GALM: variants seen among roughly 807,000 people sequenced by gnomAD.
GALM encodes aldose 1-epimerase.
In GALM, 43 loss-of-function variants were observed where a neutral mutation model predicts 37.4. That is an observed-to-expected ratio of 1.15 (90% CI 0.90 to 1.48). GALM has a LOEUF of 1.48. Among genes scored for constraint, GALM ranks in the 40% most tolerant of loss-of-function variants. The pLI is 0.00. For synonymous variants in GALM, 199 were observed against 170.6 expected (o/e 1.17, Z -1.30); for missense variants, 456 against 419.1 (o/e 1.09, Z -0.77).
intron 1 of GALM, among the ~76,000 whole-genome samples, chr2:38,666,590 G>A (rs1417384937): frequency 6.6e-6 from 1 of 152,220 alleles, no homozygotes; most frequent in East Asian, 1.9e-4. Context: ...CTTTGCCCCA[G>A]TTAACGTAAA....
At chr2:38,706,993 T>C (rs1666046748) in intron 4 of GALM, among the ~76,000 whole-genome samples, 1 of 151,546 alleles carries the variant, frequency 6.6e-6, no homozygotes, top group Admixed American at 6.6e-5. Flanking sequence ...GAGGCCTGAA[T>C]TGAATGCATA....
intron 2 of GALM, 152 bp from the exon 3 acceptor site, chr2:38,681,128 T>C: frequency 1.5e-6 from 1 of 657,138 alleles, no homozygotes. Flanking sequence ...AGACCCTGTC[T>C]CAAAAAAAAA....
At chr2:38,684,869 G>A (rs907641736) in intron 3 of GALM, among the ~76,000 whole-genome samples, 1 of 152,082 alleles carries the variant, frequency 6.6e-6, no homozygotes, top group Non-Finnish European at 1.5e-5. Flanking sequence ...AGTTATGAAA[G>A]CAGGTCTGGG....
chr2:38,724,707 G>A (rs1666451224), intron 4 of GALM, among the ~76,000 whole-genome samples: 1 of 152,144 alleles, frequency 6.6e-6, no homozygotes. Context: ...TCTTTGTCAT[G>A]CTTAAAGTCT....
chr2:38,729,812 C>G, intron 5 of GALM, 115 bp downstream of exon 5: 1 of 790,482 alleles, frequency 1.3e-6, no homozygotes, highest in South Asian at 1.7e-5. Context: ...ACAAGTGACC[C>G]AATACCACAT....
At chr2:38,733,275 C>T (rs116706933) in intron 6 of GALM, among the ~76,000 whole-genome samples, 1 of 151,116 alleles carries the variant, frequency 6.6e-6, no homozygotes, top group East Asian at 1.9e-4. Context: ...CAACACACTG[C>T]TTCCCTTCAT....
intron 4 of GALM, among the ~76,000 whole-genome samples, chr2:38,725,490 C>T (rs1462158437): frequency 6.6e-6 from 1 of 151,952 alleles, no homozygotes; most frequent in African/African-American, 2.4e-5. Flanking sequence ...GAGCTGTGAT[C>T]ATGCCACTGC....
At chr2:38,678,763 A>T (rs2148428298) in intron 2 of GALM, among the ~76,000 whole-genome samples, 1 of 152,224 alleles carries the variant, frequency 6.6e-6, no homozygotes, top group Non-Finnish European at 1.5e-5. Flanking sequence ...TTCCTGGCAA[A>T]TGCCACGTCT....
intron 4 of GALM, among the ~76,000 whole-genome samples, chr2:38,714,495 G>A (rs1379891269): frequency 6.6e-6 from 1 of 152,152 alleles, no homozygotes; most frequent in African/African-American, 2.4e-5. Flanking sequence ...GATTACAGGT[G>A]AGCCACTGCG....
At chr2:38,669,950 C>A (rs1441016774) in intron 1 of GALM, among the ~76,000 whole-genome samples, 1 of 151,380 alleles carries the variant, frequency 6.6e-6, no homozygotes, top group African/African-American at 2.4e-5. Context: ...GCAGCCTCCA[C>A]CTCCTGGGTT....
chr2:38,698,013 G>A (rs11896593), intron 4 of GALM, among the ~76,000 whole-genome samples: 11 of 151,354 alleles, frequency 7.3e-5, no homozygotes, highest in East Asian at 2.0e-4. Flanking sequence ...GTGCAGTCTC[G>A]GCCCACTGCA....
chr2:38,689,574 A>G (rs1665622662), intron 3 of GALM, among the ~76,000 whole-genome samples: 1 of 152,206 alleles, frequency 6.6e-6, no homozygotes, highest in Non-Finnish European at 1.5e-5. Flanking sequence ...TTTCACCTTC[A>G]TATTCTATTT....
rs202010853 is a variant in GALM at position 38,702,932 on chromosome 2, T to TTATATATATATATATATATATATA, written c.634+13056_634+13057insTATATATATATATATATATATATA. ...CACTTTATTTATATATATATACTTTTTATATATATATATATATAATATGTG... is the reference window on the plus strand; with the variant it reads ...CACTTTATTTATATATATATACTTTTTATATATATATATATATATATATATATATATATATATATATAATATGTG... On this transcript the variant is annotated intron_variant, in intron 4 of 6. Coordinates refer to ENST00000272252, the MANE Select transcript of GALM (RefSeq NM_138801.3). 1.1e-4 allele frequency among the ~76,000 whole-genome samples: 15 copies of TTATATATATATATATATATATATA among 134,864 alleles called. 1 individual carries two copies. Among genetic ancestry groups the TTATATATATATATATATATATATA allele is most frequent in the African/African-American group, 4.2e-4 (15 of 35,884 alleles). 88.5% of individuals were successfully genotyped at this position (134,864 alleles called of 152,430 possible).
At chr2:38,667,282 G>C (rs911089687) in intron 1 of GALM, among the ~76,000 whole-genome samples, 1 of 152,144 alleles carries the variant, frequency 6.6e-6, no homozygotes, top group Non-Finnish European at 1.5e-5. Context: ...GGAGGTTTGA[G>C]GTTTTCCTTT....
At chr2:38,684,498 TC>T (rs550067820) in intron 3 of GALM, among the ~76,000 whole-genome samples, 124 of 151,666 alleles carry the variant, frequency 8.2e-4, no homozygotes, top group African/African-American at 3.0e-3. Context: ...CATAGAGAGA[TC>T]CCCCATCTCT....
intron 4 of GALM, among the ~76,000 whole-genome samples, chr2:38,695,989 A>T (rs1255186607): frequency 6.6e-6 from 1 of 150,794 alleles, no homozygotes; most frequent in Non-Finnish European, 1.5e-5. Flanking sequence ...GTGAGCCACC[A>T]CACCCCGCCT....
Position 38,681,290 on chromosome 2 carries a change from C to T in GALM, c.356C>T (p.Thr119Ile). The T allele has an allele frequency of 6.2e-7, 1 of 1,613,070 alleles. No homozygotes were observed. Among genetic ancestry groups the T allele is most frequent in the Non-Finnish European group, 8.5e-7 (1 of 1,179,896 alleles). The change falls in exon 3 of 7, where the codon ACC becomes ATC. Residue 119 changes from threonine (T) to isoleucine (I), a missense_variant. By Grantham distance (89) the Thr-to-Ile change is moderately conservative (BLOSUM62 -1). Coordinates refer to ENST00000272252, the MANE Select transcript of GALM (RefSeq NM_138801.3). ...GVRGFDKVLWTPRVLSNGVQF... is the reference protein window; with the variant it reads ...GVRGFDKVLWIPRVLSNGVQF... Reference sequence around the variant, plus strand: ...AACACTTTTTTCCAGGTGCTCTGGACCCCTCGGGTGCTGTCAAATGGCGTC... The same window carrying T: ...AACACTTTTTTCCAGGTGCTCTGGATCCCTCGGGTGCTGTCAAATGGCGTC...
At chr2:38,693,285 CCAGCCTGGCTAA>C (rs1224397545) in intron 4 of GALM, among the ~76,000 whole-genome samples, 3 of 152,212 alleles carry the variant, frequency 2.0e-5, no homozygotes, top group Admixed American at 2.0e-4. Context: ...GAGTTCGAGA[CCAGCCTGGCTAA>C]CATGGTGAAA....
intron 3 of GALM, among the ~76,000 whole-genome samples, chr2:38,688,902 C>G (rs1665606668): frequency 6.6e-6 from 1 of 152,136 alleles, no homozygotes; most frequent in South Asian, 2.1e-4. Flanking sequence ...CTCACCGCAA[C>G]CTCCACCTCC....
Sources: allele counts gnomAD v4.1 joint callset (sites outside exome capture counted in the v4.1 genomes callset), GRCh38; gene constraint gnomAD v4.1.1; transcripts MANE v1.5; gene names NCBI Gene and HGNC (gene_info 2026-07-23, HGNC 2026-07-21).